Variants in STARD13 observed in about 807,000 individuals in gnomAD.
The protein encoded by STARD13 is StAR related lipid transfer domain containing 13, also known as stAR-related lipid transfer protein 13.
STARD13 carries 62 observed loss-of-function variants against 106.4 expected under a neutral mutation model. The observed-to-expected ratio is 0.58, with a 90% CI of 0.48 to 0.72. The LOEUF (loss-of-function observed/expected upper bound fraction) is 0.72. Ranked by LOEUF, STARD13 falls within the 30% of genes least tolerant of loss-of-function variation. The probability of loss-of-function intolerance (pLI) is 0.00; values close to 1 mark genes in which losing one functional copy is unlikely to be tolerated. For synonymous variants in STARD13, 565 were observed against 553.0 expected (o/e 1.02, Z -0.31); for missense variants, 1,387 against 1,424.0 (o/e 0.97, Z 0.42).
the STARD13 span, among the ~76,000 whole-genome samples, chr13:33,386,558 C>T: frequency 1.6e-3 from 246 of 152,268 alleles, 1 homozygote; most frequent in African/African-American, 5.5e-3. Flanking sequence ...AGGTGACCTC[C>T]TCTGGGGGGG....
the STARD13 span, among the ~76,000 whole-genome samples, chr13:33,368,685 A>G: frequency 3.3e-5 from 5 of 152,286 alleles, no homozygotes; most frequent in South Asian, 8.3e-4. Context: ...GGTCTTAAAT[A>G]AGAATGTAGA....
intron 1 of STARD13, among the ~76,000 whole-genome samples, chr13:33,332,394 G>C (rs79004126): frequency 0.015 from 2,246 of 152,276 alleles, 31 homozygotes; most frequent in Non-Finnish European, 0.025. Flanking sequence ...ATGGTATTGG[G>C]AGATGGGGCT....
chr13:33,207,494 TACTTC>T, intron 1 of STARD13, among the ~76,000 whole-genome samples: 2 of 152,342 alleles, frequency 1.3e-5, no homozygotes, highest in East Asian at 3.9e-4. Flanking sequence ...TAAAATCAGA[TACTTC>T]AAGGTTGAGA....
intron 7 of STARD13, among the ~76,000 whole-genome samples, chr13:33,123,077 A>AAAAAAC (rs1876607001): frequency 6.6e-6 from 1 of 150,962 alleles, no homozygotes; most frequent in South Asian, 2.1e-4. Flanking sequence ...AAAAAAAAAA[A>AAAAAAC]AAGCAAGGAC....
intron 9 of STARD13, 56 bp downstream of exon 9, chr13:33,112,664 TG>T: frequency 7.2e-7 from 1 of 1,382,614 alleles, no homozygotes; most frequent in Non-Finnish European, 9.9e-7. Context: ...TCCAGTCTTA[TG>T]AACTGTGGGA....
At chr13:33,562,668 A>C in the STARD13 span, among the ~76,000 whole-genome samples, 1 of 146,942 alleles carries the variant, frequency 6.8e-6, no homozygotes, top group African/African-American at 2.5e-5. Context: ...TTGTCAAATA[A>C]ATAATGTATA....
chr13:33,109,598 G>T (rs1334807405), intron 12 of STARD13, among the ~76,000 whole-genome samples: 1 of 152,210 alleles, frequency 6.6e-6, no homozygotes, highest in East Asian at 1.9e-4. Flanking sequence ...CGTCTGCTCT[G>T]AGGAAATGAA....
the STARD13 span, among the ~76,000 whole-genome samples, chr13:33,557,444 C>A: frequency 6.6e-6 from 1 of 152,082 alleles, no homozygotes; most frequent in Non-Finnish European, 1.5e-5. Context: ...AAAAATCTTG[C>A]AGCCATTAGT....
the STARD13 span, among the ~76,000 whole-genome samples, chr13:33,605,351 G>A: frequency 6.6e-6 from 1 of 151,194 alleles, no homozygotes; most frequent in Non-Finnish European, 1.5e-5. Flanking sequence ...CCAAAGTGTT[G>A]GAACTACAGG....
intron 1 of STARD13, among the ~76,000 whole-genome samples, chr13:33,331,758 C>T (rs1594272587): frequency 6.6e-6 from 1 of 152,068 alleles, no homozygotes; most frequent in East Asian, 1.9e-4. Flanking sequence ...CAGTGCAGAG[C>T]ATAGCAGAGT....
intron 1 of STARD13, among the ~76,000 whole-genome samples, chr13:33,243,699 G>A (rs1040598429): frequency 2.6e-5 from 4 of 152,076 alleles, no homozygotes; most frequent in African/African-American, 9.7e-5. Flanking sequence ...CAAAAACAGG[G>A]TCCCCGGGCC....
the STARD13 span, among the ~76,000 whole-genome samples, chr13:33,643,162 C>CAA: frequency 1.9e-5 from 2 of 105,728 alleles, no homozygotes; most frequent in Non-Finnish European, 3.2e-5. Context: ...AGAACATGCA[C>CAA]ACACACACAC....
chr13:33,499,691 C>CTTCCTCT, the STARD13 span, among the ~76,000 whole-genome samples: 1 of 102,784 alleles, frequency 9.7e-6, no homozygotes, highest in Non-Finnish European at 1.8e-5. Context: ...TCTTTCTCTT[C>CTTCCTCT]TTCCTCTTCC....
chr13:33,403,468 C>T, the STARD13 span, among the ~76,000 whole-genome samples: 4 of 152,164 alleles, frequency 2.6e-5, no homozygotes, highest in Admixed American at 2.0e-4. Context: ...ATCCCCAAAA[C>T]TGTTTTATAT....
chr13:33,652,078 A>G, the STARD13 span, among the ~76,000 whole-genome samples: 349 of 152,318 alleles, frequency 2.3e-3, 1 homozygote, highest in African/African-American at 8.3e-3. Flanking sequence ...GACCCACAAG[A>G]TTATGATCTA....
the STARD13 span, among the ~76,000 whole-genome samples, chr13:33,381,033 T>C: frequency 2.0e-5 from 3 of 152,184 alleles, no homozygotes; most frequent in African/African-American, 7.2e-5. Flanking sequence ...AAAATATCAC[T>C]GACTGACTTT....
the STARD13 span, among the ~76,000 whole-genome samples, chr13:33,383,304 A>T: frequency 6.6e-6 from 1 of 152,208 alleles, no homozygotes; most frequent in Admixed American, 6.5e-5. Flanking sequence ...AGTCCCAGGC[A>T]GGAGAATCGC....
At chr13:33,361,430 TG>T in the STARD13 span, among the ~76,000 whole-genome samples, 2 of 152,244 alleles carry the variant, frequency 1.3e-5, 1 homozygote, top group South Asian at 4.1e-4. Flanking sequence ...GTTAAGTTTC[TG>T]GGGAGTCAAA....
At chr13:33,203,527 A>T (rs1887198924) in intron 1 of STARD13, among the ~76,000 whole-genome samples, 1 of 151,814 alleles carries the variant, frequency 6.6e-6, no homozygotes, top group Non-Finnish European at 1.5e-5. Context: ...ATTTTTTTTT[A>T]CATTAGGAAG....
Sources: gnomAD v4.1 joint callset for allele counts (sites outside exome capture counted in the v4.1 genomes callset) on GRCh38, gnomAD v4.1.1 for gene constraint, MANE v1.5 for transcripts, NCBI Gene and HGNC (gene_info 2026-07-23, HGNC 2026-07-21) for gene names.